Variants in AXL observed in about 807,000 individuals in gnomAD.
The protein encoded by AXL is AXL receptor tyrosine kinase, also known as tyrosine-protein kinase receptor UFO.
A neutral mutation model predicts 104.5 loss-of-function variants in AXL; 52 were observed. That is an observed-to-expected ratio of 0.50 (90% CI 0.40 to 0.63). AXL has a LOEUF of 0.63. Ranked by LOEUF, AXL falls within the 20% of genes least tolerant of loss-of-function variation. AXL has a pLI of 0.00. For synonymous variants in AXL, 455 were observed against 473.7 expected, an observed-to-expected ratio of 0.96 and a Z score of 0.51; for missense variants, 1,024 against 1,188.5, an observed-to-expected ratio of 0.86 and a Z score of 2.04.
intron 2 of AXL, 111 bp from the exon 3 acceptor site, chr19:41,221,035 C>T (rs935662096): frequency 7.6e-6 from 9 of 1,191,044 alleles, no homozygotes; most frequent in African/African-American, 6.1e-5. Flanking sequence ...GGACATACTT[C>T]GTGGTTGTCA....
intron 11 of AXL, 48 bp from the exon 12 acceptor site, chr19:41,243,568 G>A (rs373002731): frequency 2.7e-5 from 38 of 1,426,830 alleles, no homozygotes; most frequent in Non-Finnish European, 3.4e-5. Flanking sequence ...TGAGTAGGGG[G>A]TTCCACATGG....
At chr19:41,225,455 C>T (rs890272305) in intron 4 of AXL, among the ~76,000 whole-genome samples, 2 of 152,152 alleles carry the variant, frequency 1.3e-5, no homozygotes, top group African/African-American at 4.8e-5. Flanking sequence ...TTCATTGTGT[C>T]CTGGTGTGTA....
intron 10 of AXL, among the ~76,000 whole-genome samples, chr19:41,242,542 C>A (rs1426695475): frequency 6.6e-6 from 1 of 151,988 alleles, no homozygotes; most frequent in African/African-American, 2.4e-5. Context: ...GTCGGCCGGG[C>A]TGGTCTTGAA....
chr19:41,241,541 C>G (rs918494833), intron 10 of AXL, among the ~76,000 whole-genome samples: 2 of 96,288 alleles, frequency 2.1e-5, no homozygotes, highest in Middle Eastern at 7.5e-3. Flanking sequence ...AAGACTCTGT[C>G]TCAAAAAAAA....
chr19:41,248,650 T>TGAGA, intron 13 of AXL, 41 bp downstream of exon 13: 2 of 1,612,634 alleles, frequency 1.2e-6, no homozygotes, highest in Non-Finnish European at 1.7e-6. Context: ...TCTGAACTTC[T>TGAGA]GAGATCCTGC....
In AXL at chr19:41,257,600, G is replaced by C. The variant is rs376741284; in HGVS notation, c.2304G>C (p.Leu768=). The change falls in exon 19 of 20, where the codon CTG becomes CTC. Residue 768 remains leucine (L), a synonymous_variant. Transcript: ENST00000301178. ...IYDYLRQGNR[L]KQPADCLDGL... ...ACTATCTGCGCCAGGGAAATCGCCTGAAGCAGCCTGCGGACTGTCTGGATG... is the reference window on the plus strand; with the variant it reads ...ACTATCTGCGCCAGGGAAATCGCCTCAAGCAGCCTGCGGACTGTCTGGATG... The C allele has an allele frequency of 2.3e-5, 37 of 1,614,084 alleles. No individual in the cohort carries two copies. Among genetic ancestry groups the C allele is most frequent in the East Asian group, 1.6e-4 (7 of 44,894 alleles).
In AXL at chr19:41,222,065, G is replaced by A. The variant is rs544560494; in HGVS notation, c.586+9G>A. On this transcript the variant is annotated intron_variant, in intron 4 of 19. Coordinates refer to ENST00000301178, the MANE Select transcript of AXL (RefSeq NM_021913.5). ...CAGCCTGCATGTTCCAGGTGAGTCC[G>A]GGGATGTGGGTCAGCTCCGAATAGG... 80 of 1,537,788 alleles carry A rather than the reference G, an allele frequency of 5.2e-5. No homozygotes were observed. The East Asian group carries it at 5.8e-4, about 11-fold the overall frequency.
intron 4 of AXL, among the ~76,000 whole-genome samples, chr19:41,229,704 G>A (rs2033942719): frequency 6.6e-6 from 1 of 152,220 alleles, no homozygotes; most frequent in Admixed American, 6.5e-5. Flanking sequence ...CACAGTTCTT[G>A]GAGTGGAAAC....
chr19:41,222,483 C>T (rs71358973), intron 4 of AXL, among the ~76,000 whole-genome samples: 4 of 152,300 alleles, frequency 2.6e-5, no homozygotes, highest in African/African-American at 9.6e-5. Context: ...GTGCCCTCCT[C>T]TCCTCCGCCT....
At chr19:41,226,408 G>GCTGCGGGCGCGGGGC (rs1180938300) in intron 4 of AXL, among the ~76,000 whole-genome samples, 1 of 152,172 alleles carries the variant, frequency 6.6e-6, no homozygotes, top group Admixed American at 6.5e-5. Context: ...CGGCGCGGGG[G>GCTGCGGGCGCGGGGC]CTGCGGGCGC....
chr19:41,238,128 G>A lies in AXL; in HGVS notation c.968G>A (p.Trp323Ter), dbSNP rs756201385. 6.2e-7 allele frequency: 1 copy of A among 1,614,048 alleles called. No homozygotes were observed. ...SSQGPSSWTH[W>*]LPVETPEGVP... The stretch of plus-strand genomic sequence containing the variant: ...CAGGGCCCCTCATCCTGGACCCACT[G>A]GCTTCCTGTGGAGACGCCGGAGGGA... The change falls in exon 7 of 20, where the codon TGG becomes TAG. Residue 323 changes from tryptophan (W) to a stop codon, truncating the protein, a stop_gained. Transcript: ENST00000301178. LOFTEE classifies it high-confidence loss of function.
chr19:41,219,673 G>C (rs1274471946), intron 1 of AXL, among the ~76,000 whole-genome samples, 196 bp downstream of exon 1: 1 of 151,234 alleles, frequency 6.6e-6, no homozygotes, highest in African/African-American at 2.4e-5. Flanking sequence ...GAAAGACTGA[G>C]AGAGGAACTG....
At position 41,239,284 on chromosome 19, in the gene AXL, C is replaced by CT. The variant is rs781720604; in HGVS notation, c.1256dup (p.Val421SerfsTer66). The CT allele has an allele frequency of 6.3e-7, 1 of 1,597,232 alleles. No homozygotes were observed. The highest frequency in any genetic ancestry group is 8.5e-7 in the Non-Finnish European group (1 of 1,172,486). ...TGCTGCTGGGGATGGACCCTGGAGCCTCCCAGTACCCCTGGAGGCCTGGCG... is the reference window on the plus strand; with the variant it reads ...TGCTGCTGGGGATGGACCCTGGAGCCTTCCCAGTACCCCTGGAGGCCTGGCG... On this transcript the variant is annotated frameshift_variant, in exon 9 of 20. Coordinates refer to ENST00000301178, the MANE Select transcript of AXL (RefSeq NM_021913.5). LOFTEE classifies it high-confidence loss of function.
At chr19:41,220,537 G>A (rs372030051) in intron 1 of AXL, 99 bp from the exon 2 acceptor site, 66 of 1,029,756 alleles carry the variant, frequency 6.4e-5, no homozygotes, top group Admixed American at 2.6e-4. Flanking sequence ...AGGGCCTGGC[G>A]GGGTCCTGGC....
At chr19:41,237,137 C>A (rs1446649260) in intron 6 of AXL, among the ~76,000 whole-genome samples, 1 of 152,176 alleles carries the variant, frequency 6.6e-6, no homozygotes, top group African/African-American at 2.4e-5. Flanking sequence ...CAAGAAGTCT[C>A]CCTCAGGCCC....
rs2122280808 is a variant in AXL, at chr19:41,253,723, G to A, written c.2036+15G>A. ...AGGAACTGCATGTGAGTGCCTTTCA[G>A]GGACCCCCCCCCCCCAACTGCTCCT... On this transcript the variant is annotated intron_variant, in intron 17 of 19. Coordinates refer to ENST00000301178, the MANE Select transcript of AXL (RefSeq NM_021913.5). 1 of 1,549,830 alleles carries A rather than the reference G, an allele frequency of 6.5e-7. No individual in the cohort carries two copies. The highest frequency in any genetic ancestry group is 2.3e-5 in the East Asian group (1 of 43,040).
intron 6 of AXL, among the ~76,000 whole-genome samples, chr19:41,236,642 G>A (rs1364167176): frequency 1.3e-5 from 2 of 151,190 alleles, no homozygotes; most frequent in Non-Finnish European, 1.5e-5. Flanking sequence ...TTAGTCGGGC[G>A]TGGTGGTACG....
intron 9 of AXL, 85 bp from the exon 10 acceptor site, chr19:41,239,609 C>G (rs1470283788): frequency 6.5e-7 from 1 of 1,547,328 alleles, no homozygotes; most frequent in South Asian, 1.1e-5. Context: ...CTCCCTTACC[C>G]GTGCCACACC....
Position 41,237,477 on chromosome 19 carries a change from C to T in AXL, c.784-467C>T, listed in dbSNP as rs149451861. On this transcript the variant is annotated intron_variant, in intron 6 of 19. Transcript: ENST00000301178. ...CAGGCTGGTCTTGAACTCCTAACCT[C>T]AAGTGATCGCCCACCTTGGCCTCCC... Among the ~76,000 whole-genome samples the T allele has an allele frequency of 3.7e-3, 566 of 152,232 alleles. 5 individuals are homozygous for T. The highest frequency in any genetic ancestry group is 0.012 in the African/African-American group (488 of 41,534).
Sources: allele counts gnomAD v4.1 joint callset (sites outside exome capture counted in the v4.1 genomes callset), GRCh38; gene constraint gnomAD v4.1.1; transcripts MANE v1.5; gene names NCBI Gene and HGNC (gene_info 2026-07-23, HGNC 2026-07-21).